NFIB: variants seen among roughly 807,000 people sequenced by gnomAD.
The protein encoded by NFIB is nuclear factor 1 B-type.
Under a neutral mutation model 61.5 loss-of-function variants are expected in NFIB, and 11 were observed. The observed-to-expected ratio is 0.18, with a 90% CI of 0.11 to 0.30. The LOEUF (loss-of-function observed/expected upper bound fraction) is 0.30. Ranked by LOEUF, NFIB falls within the 10% of genes least tolerant of loss-of-function variation. The pLI, the probability that NFIB is intolerant of heterozygous loss-of-function variation, is 1.00. For synonymous variants in NFIB, 260 were observed against 216.5 expected (o/e 1.20, Z -1.76); for missense variants, 471 against 608.9 (o/e 0.77, Z 2.38).
intron 2 of NFIB, among the ~76,000 whole-genome samples, chr9:14,236,582 G>T (rs759521034): frequency 3.3e-5 from 5 of 152,006 alleles, no homozygotes; most frequent in Middle Eastern, 3.2e-3. Context: ...AACTGAAGAG[G>T]GAAGTCACTA....
At chr9:14,457,098 T>C in the NFIB span, among the ~76,000 whole-genome samples, 2 of 152,296 alleles carry the variant, frequency 1.3e-5, no homozygotes, top group African/African-American at 4.8e-5. Context: ...ATGTGTACTG[T>C]ATGCTGCCAT....
chr9:14,271,670 A>G (rs2057635129), intron 2 of NFIB, among the ~76,000 whole-genome samples: 1 of 152,212 alleles, frequency 6.6e-6, no homozygotes, highest in South Asian at 2.1e-4. Flanking sequence ...GTGGTTGGCC[A>G]GATAACCACA....
chr9:14,296,005 G>A (rs1020565722), intron 2 of NFIB, among the ~76,000 whole-genome samples: 2 of 152,146 alleles, frequency 1.3e-5, no homozygotes, highest in African/African-American at 2.4e-5. Flanking sequence ...CACACAACTA[G>A]CTAACTTCAT....
chr9:14,143,748 T>C (rs1286595518), intron 6 of NFIB, among the ~76,000 whole-genome samples: 1 of 152,138 alleles, frequency 6.6e-6, no homozygotes, highest in Non-Finnish European at 1.5e-5. Flanking sequence ...GACAACTCCC[T>C]CCATCACAGG....
At chr9:14,193,732 C>T (rs1323102660) in intron 2 of NFIB, among the ~76,000 whole-genome samples, 2 of 152,122 alleles carry the variant, frequency 1.3e-5, no homozygotes, top group African/African-American at 2.4e-5. Context: ...AGTACCAAAA[C>T]TTTAGAATCA....
intron 2 of NFIB, among the ~76,000 whole-genome samples, chr9:14,205,271 GGTGGGAGGGAGGGAAAGAAGA>G (rs2049549576): frequency 2.2e-5 from 2 of 91,366 alleles, no homozygotes; most frequent in African/African-American, 4.3e-5. Flanking sequence ...GGGAAAGCAG[GGTGGGAGGGAGGGAAAGAAGA>G]AAGGAAGGGG....
At chr9:14,484,408 C>T in the NFIB span, among the ~76,000 whole-genome samples, 11 of 152,314 alleles carry the variant, frequency 7.2e-5, no homozygotes, top group Non-Finnish European at 1.2e-4. Context: ...TCCTTGTATG[C>T]TAACTTCACT....
At chr9:14,237,483 A>G (rs1182500525) in intron 2 of NFIB, among the ~76,000 whole-genome samples, 1 of 108,728 alleles carries the variant, frequency 9.2e-6, no homozygotes, top group Non-Finnish European at 2.3e-5. Context: ...AAAGCTCTTC[A>G]TTATGTCTAT....
At chr9:14,181,886 T>C (rs987477693) in intron 2 of NFIB, among the ~76,000 whole-genome samples, 4 of 152,224 alleles carry the variant, frequency 2.6e-5, no homozygotes, top group African/African-American at 9.6e-5. Flanking sequence ...GTTGCAGCAG[T>C]CGCCTTATTT....
chr9:14,149,979 T>A (rs1246522742), intron 5 of NFIB, among the ~76,000 whole-genome samples, 166 bp downstream of exon 5: 1 of 152,194 alleles, frequency 6.6e-6, no homozygotes, highest in Non-Finnish European at 1.5e-5. Context: ...ACATTTAATT[T>A]GTAACAGCCA....
chr9:14,254,092 A>G (rs968820610), intron 2 of NFIB, among the ~76,000 whole-genome samples: 1 of 152,200 alleles, frequency 6.6e-6, no homozygotes, highest in Non-Finnish European at 1.5e-5. Context: ...ACTTGAGGCC[A>G]GTAGTTTGAG....
chr9:14,156,133 G>C (rs529587794), intron 3 of NFIB, among the ~76,000 whole-genome samples: 4 of 152,206 alleles, frequency 2.6e-5, no homozygotes, highest in African/African-American at 9.6e-5. Context: ...TAAAAGTACA[G>C]GTTTATTGAT....
intron 6 of NFIB, among the ~76,000 whole-genome samples, chr9:14,134,481 T>C (rs758866443): frequency 3.3e-5 from 5 of 152,166 alleles, no homozygotes; most frequent in Non-Finnish European, 7.3e-5. Flanking sequence ...CATGCAGTGA[T>C]GTTCACTGTA....
chr9:14,102,638 A>G (rs1446145758), intron 10 of NFIB: 13 of 368,338 alleles, frequency 3.5e-5, no homozygotes, highest in Non-Finnish European at 5.3e-5. Flanking sequence ...CAACTTAAAG[A>G]AAAAAAAAAA....
At chr9:14,126,631 A>G (rs774517237) in intron 6 of NFIB, among the ~76,000 whole-genome samples, 1 of 152,220 alleles carries the variant, frequency 6.6e-6, no homozygotes, top group Non-Finnish European at 1.5e-5. Context: ...AAGATGAAGA[A>G]GAGGAGCAAG....
the NFIB span, among the ~76,000 whole-genome samples, chr9:14,417,677 C>A: frequency 2.6e-5 from 4 of 151,370 alleles, no homozygotes; most frequent in African/African-American, 9.7e-5. Flanking sequence ...TAGACTACCT[C>A]TGTCAAAATC....
At chr9:14,488,082 G>A in the NFIB span, among the ~76,000 whole-genome samples, 1 of 152,098 alleles carries the variant, frequency 6.6e-6, no homozygotes. Context: ...ACTTACAAAA[G>A]AATCACCTAG....
chr9:14,457,732 T>C, the NFIB span, among the ~76,000 whole-genome samples: 18 of 152,024 alleles, frequency 1.2e-4, no homozygotes, highest in Admixed American at 3.3e-4. Flanking sequence ...GAGAATACTA[T>C]AAACACCTCT....
chr9:14,429,464 C>G, the NFIB span, among the ~76,000 whole-genome samples: 314 of 152,302 alleles, frequency 2.1e-3, 2 homozygotes, highest in African/African-American at 7.1e-3. Context: ...GCCCACATTT[C>G]CAGGCCTTGC....
Sources: gnomAD v4.1 joint callset for allele counts (sites outside exome capture counted in the v4.1 genomes callset) on GRCh38, gnomAD v4.1.1 for gene constraint, MANE v1.5 for transcripts, NCBI Gene and HGNC (gene_info 2026-07-23, HGNC 2026-07-21) for gene names.